Variants in KIAA0586 observed in about 807,000 individuals in gnomAD.
KIAA0586 encodes protein TALPID3.
KIAA0586 carries 144 observed loss-of-function variants against 169.8 expected under a neutral mutation model. The observed-to-expected ratio is 0.85, with a 90% CI of 0.74 to 0.97. The LOEUF is 0.97. Among genes scored for constraint, KIAA0586 ranks in the 50% least tolerant of loss-of-function variants. KIAA0586 has a pLI of 0.00. For synonymous variants in KIAA0586, 625 were observed against 612.4 expected, an observed-to-expected ratio of 1.02 and a Z score of -0.30; for missense variants, 1,854 against 1,823.0, an observed-to-expected ratio of 1.02 and a Z score of -0.31.
chr14:58,503,214 A>T (rs2043699582), intron 27 of KIAA0586, among the ~76,000 whole-genome samples: 1 of 152,242 alleles, frequency 6.6e-6, no homozygotes, highest in Non-Finnish European at 1.5e-5. Context: ...TGTAAGTACT[A>T]CATTAAGCAC....
intron 29 of KIAA0586, among the ~76,000 whole-genome samples, chr14:58,536,068 G>A (rs541374418): frequency 1.3e-5 from 2 of 151,830 alleles, no homozygotes; most frequent in Non-Finnish European, 1.5e-5. Flanking sequence ...TTTTAAATAT[G>A]AGTATAACTG....
At chr14:58,508,507 T>A (rs2044159491) in intron 27 of KIAA0586, 48 bp from the exon 28 acceptor site, 1 of 1,415,978 alleles carries the variant, frequency 7.1e-7, no homozygotes. Flanking sequence ...TTTTTGAAGA[T>A]AAATTTAACA....
At chr14:58,440,770 T>G (rs1289733161) in intron 4 of KIAA0586, among the ~76,000 whole-genome samples, 4 of 152,172 alleles carry the variant, frequency 2.6e-5, no homozygotes, top group African/African-American at 9.7e-5. Context: ...TCATGTATTC[T>G]CATTTACATG....
chr14:58,444,585 A>C (rs567481004), intron 6 of KIAA0586, among the ~76,000 whole-genome samples: 7 of 152,058 alleles, frequency 4.6e-5, no homozygotes. Flanking sequence ...CACCACGCCC[A>C]GCTAATTTTT....
intron 27 of KIAA0586, among the ~76,000 whole-genome samples, chr14:58,507,185 GTA>G: frequency 7.0e-6 from 1 of 142,218 alleles, no homozygotes; most frequent in Non-Finnish European, 1.5e-5. Context: ...ATATGTGTAT[GTA>G]TGATTTTTAT....
At chr14:58,434,459 C>T (rs1475751151) in intron 4 of KIAA0586, among the ~76,000 whole-genome samples, 1 of 152,158 alleles carries the variant, frequency 6.6e-6, no homozygotes, top group Non-Finnish European at 1.5e-5. Context: ...AGATTATGAT[C>T]ATGCTATATA....
In KIAA0586 at chr14:58,537,014, C is replaced by G. The variant is rs968895650; in HGVS notation, c.4430-3057C>G. On this transcript the variant is annotated intron_variant, in intron 29 of 30. Coordinates refer to ENST00000652326, the MANE Select transcript of KIAA0586 (RefSeq NM_001329943.3). ...ATTATGTTTTTTTTTCAGTTTTGAT[C>G]AGCAGGATAAAGAATTGTAAGAACT... 4 of 1,272,776 alleles carry G rather than the reference C, an allele frequency of 3.1e-6. No homozygotes were observed. The African/African-American group carries it at 4.6e-5, about 15-fold the overall frequency. 78.8% of individuals were successfully genotyped at this position (1,272,776 alleles called of 1,614,324 possible).
chr14:58,523,944 A>G (rs1240495161), intron 29 of KIAA0586, among the ~76,000 whole-genome samples: 1 of 152,094 alleles, frequency 6.6e-6, no homozygotes, highest in Admixed American at 6.5e-5. Context: ...CTTCTAATCA[A>G]CCTAGTAACG....
At chr14:58,451,956 T>C (rs1050986084) in intron 8 of KIAA0586, among the ~76,000 whole-genome samples, 2 of 152,212 alleles carry the variant, frequency 1.3e-5, no homozygotes, top group Non-Finnish European at 1.5e-5. Context: ...GTGCTGTGAT[T>C]ACAGGCGTGA....
chr14:58,500,597 TG>T (rs972720102), intron 27 of KIAA0586, among the ~76,000 whole-genome samples: 1 of 151,292 alleles, frequency 6.6e-6, no homozygotes, highest in African/African-American at 2.4e-5. Context: ...CTCAGCTACT[TG>T]GGAAGCTGAG....
intron 26 of KIAA0586, among the ~76,000 whole-genome samples, chr14:58,496,444 AT>A (rs1315850612): frequency 6.6e-6 from 1 of 152,230 alleles, no homozygotes; most frequent in Non-Finnish European, 1.5e-5. Context: ...GCATTGTGAA[AT>A]ATTTCTCATT....
downstream of KIAA0586, among the ~76,000 whole-genome samples, chr14:58,553,450 T>C (rs1178721716): frequency 1.3e-5 from 2 of 151,534 alleles, no homozygotes; most frequent in East Asian, 1.9e-4. Flanking sequence ...AGTAGAGTCA[T>C]AGAAAAGGAA....
the KIAA0586 span, among the ~76,000 whole-genome samples, chr14:58,557,169 A>C: frequency 6.6e-6 from 1 of 152,222 alleles, no homozygotes; most frequent in Non-Finnish European, 1.5e-5. Context: ...AAGCTGCTAT[A>C]AATATTGCTG....
intron 4 of KIAA0586, chr14:58,441,185 C>T (rs941881660): frequency 7.1e-6 from 2 of 279,730 alleles, no homozygotes; most frequent in South Asian, 2.8e-5. Flanking sequence ...GTAATTCTTA[C>T]AATTCTTTTT....
chr14:58,503,096 A>G (rs1185702798), intron 27 of KIAA0586, among the ~76,000 whole-genome samples: 4 of 152,160 alleles, frequency 2.6e-5, no homozygotes, highest in Non-Finnish European at 5.9e-5. Flanking sequence ...CTAAAATGTA[A>G]GCTGTAATTT....
At chr14:58,432,481 A>T (rs1211202197) in intron 4 of KIAA0586, 24 bp downstream of exon 4, 2 of 1,283,856 alleles carry the variant, frequency 1.6e-6, no homozygotes, top group Admixed American at 2.2e-5. Flanking sequence ...ACAGAAAATA[A>T]TTGGACCATT....
Position 58,446,481 on chromosome 14 carries a change from A to G in KIAA0586, c.808-1859A>G, listed in dbSNP as rs2038912194. ...CACTGTACTCCAGCCTGGGTGACAGAGCAAGACTCTATCTTAACAACAACA... is the reference window on the plus strand; with the variant it reads ...CACTGTACTCCAGCCTGGGTGACAGGGCAAGACTCTATCTTAACAACAACA... On this transcript the variant is annotated intron_variant, in intron 6 of 30. Transcript: ENST00000652326. Among the ~76,000 whole-genome samples, 3 of 152,064 alleles carry G rather than the reference A, an allele frequency of 2.0e-5. No homozygotes were observed. The South Asian group carries it at 6.2e-4, about 32-fold the overall frequency.
chr14:58,538,857 G>A (rs2046465022), intron 29 of KIAA0586, among the ~76,000 whole-genome samples: 1 of 151,946 alleles, frequency 6.6e-6, no homozygotes, highest in Admixed American at 6.6e-5. Flanking sequence ...TTGGCTCACT[G>A]CAACCTCTGC....
chr14:58,460,978 A>G lies in KIAA0586; in HGVS notation c.1885-8A>G. ...TTCATGGTGAGTTGAATAACTTTGT[A>G]CACACAGGGGCTTTTGAAAGCAACC... On this transcript the variant is annotated splice_region_variant and splice_polypyrimidine_tract_variant and intron_variant, in intron 13 of 30. Coordinates refer to ENST00000652326, the MANE Select transcript of KIAA0586 (RefSeq NM_001329943.3). 1 of 1,571,286 alleles carries G rather than the reference A, an allele frequency of 6.4e-7. No individual in the cohort carries two copies. The highest frequency in any genetic ancestry group is 8.6e-7 in the Non-Finnish European group (1 of 1,163,564).
Sources: gnomAD v4.1 joint callset for allele counts (sites outside exome capture counted in the v4.1 genomes callset) on GRCh38, gnomAD v4.1.1 for gene constraint, MANE v1.5 for transcripts, NCBI Gene and HGNC (gene_info 2026-07-23, HGNC 2026-07-21) for gene names.